RAB6A: variants seen among roughly 807,000 people sequenced by gnomAD.
RAB6A encodes the protein ras-related protein Rab-6A.
In RAB6A, 8 loss-of-function variants were observed where a neutral mutation model predicts 32.3. The ratio of observed to expected loss-of-function variants is 0.25; its 90% confidence interval spans 0.15 to 0.45. The LOEUF is 0.45. RAB6A is among the 20% of genes least tolerant of loss of function. The probability of loss-of-function intolerance (pLI) is 1.00; values close to 1 mark genes in which losing one functional copy is unlikely to be tolerated. For missense variants in RAB6A, 104 were observed against 249.4 expected, an observed-to-expected ratio of 0.42 and a Z score of 3.93; for synonymous variants, 73 against 82.1, an observed-to-expected ratio of 0.89 and a Z score of 0.60.
rs1555066467 is a variant in RAB6A, at chr11:73,736,819, A to AAC, written c.71-5997_71-5996insGT. ...GAAAGAAAAAAAAAAGAAAAAAAAA[A>AAC]AAAAAAACAATTAGCCAGGCATGGT... is the stretch of plus-strand genomic sequence containing the variant. On this transcript the variant is annotated intron_variant, in intron 1 of 7. Transcript: ENST00000336083. Among the ~76,000 whole-genome samples the AAC allele has an allele frequency of 3.5e-5, 5 of 144,178 alleles. No individual in the cohort carries two copies. The South Asian group carries it at 8.7e-4, about 25-fold the overall frequency. The allele number at this position is 144,178 out of a possible 152,430, so 94.6% of individuals were successfully genotyped here.
chr11:73,689,124 GA>G (rs111664897), intron 6 of RAB6A, among the ~76,000 whole-genome samples: 39,182 of 144,836 alleles, frequency 0.27, 5,695 homozygotes, highest in African/African-American at 0.41. Context: ...CCTGTCTCAA[GA>G]AAAAAAAAAA....
At chr11:73,726,372 G>A (rs1378626588) in intron 2 of RAB6A, among the ~76,000 whole-genome samples, 1 of 150,970 alleles carries the variant, frequency 6.6e-6, no homozygotes, top group African/African-American at 2.4e-5. Context: ...CACGAGGTCA[G>A]GAGATCGAGA....
At chr11:73,685,207 T>A (rs1014724656) in intron 6 of RAB6A, among the ~76,000 whole-genome samples, 3 of 152,002 alleles carry the variant, frequency 2.0e-5, no homozygotes, top group Non-Finnish European at 4.4e-5. Flanking sequence ...AATAGTATAC[T>A]TGCCTGATTA....
chr11:73,743,376 T>C (rs1946531665), intron 1 of RAB6A, among the ~76,000 whole-genome samples: 2 of 151,510 alleles, frequency 1.3e-5, no homozygotes, highest in Admixed American at 6.6e-5. Flanking sequence ...AGCAGAGGTA[T>C]CCTTCTTCAA....
chr11:73,725,607 C>G (rs1407746178), intron 2 of RAB6A, among the ~76,000 whole-genome samples: 1 of 152,074 alleles, frequency 6.6e-6, no homozygotes, highest in Non-Finnish European at 1.5e-5. Flanking sequence ...TTTATGAAAC[C>G]ATCAGATCTC....
intron 6 of RAB6A, among the ~76,000 whole-genome samples, chr11:73,684,786 G>A (rs1297298473): frequency 1.3e-5 from 2 of 152,228 alleles, no homozygotes; most frequent in Non-Finnish European, 2.9e-5. Flanking sequence ...CATGTTCACA[G>A]ATAGAAAAGT....
intron 6 of RAB6A, among the ~76,000 whole-genome samples, chr11:73,694,890 C>G (rs112945409): frequency 1.3e-5 from 2 of 152,150 alleles, no homozygotes; most frequent in Non-Finnish European, 2.9e-5. Context: ...GTGGCACACG[C>G]GTGCAATCCC....
intron 5 of RAB6A, among the ~76,000 whole-genome samples, chr11:73,710,159 G>A (rs1468591133): frequency 1.3e-5 from 2 of 148,488 alleles, no homozygotes; most frequent in Non-Finnish European, 3.0e-5. Context: ...GCAGAGACGG[G>A]GTTTCACCGT....
chr11:73,760,370 G>A (rs1946825826), intron 1 of RAB6A, among the ~76,000 whole-genome samples, 196 bp downstream of exon 1: 1 of 152,136 alleles, frequency 6.6e-6, no homozygotes, highest in Non-Finnish European at 1.5e-5. Context: ...GAGGATTGAA[G>A]AACCCGGGGA....
At chr11:73,689,114 CCT>C (rs1251983737) in intron 6 of RAB6A, among the ~76,000 whole-genome samples, 2 of 145,510 alleles carry the variant, frequency 1.4e-5, no homozygotes, top group Non-Finnish European at 3.0e-5. Flanking sequence ...AGAGGGAGAC[CCT>C]GTCTCAAGAA....
chr11:73,693,274 CA>C (rs1565349368), intron 6 of RAB6A, among the ~76,000 whole-genome samples: 1 of 150,560 alleles, frequency 6.6e-6, no homozygotes, highest in East Asian at 1.9e-4. Flanking sequence ...GATGACAGAG[CA>C]AGACTCCGTC....
chr11:73,714,973 G>A (rs1014638380), intron 5 of RAB6A, among the ~76,000 whole-genome samples: 16 of 151,990 alleles, frequency 1.1e-4, no homozygotes, highest in African/African-American at 3.6e-4. Context: ...CCCAAAAAAA[G>A]AAAAGTACCT....
At chr11:73,705,471 C>T (rs917675731) in intron 6 of RAB6A, among the ~76,000 whole-genome samples, 1 of 152,050 alleles carries the variant, frequency 6.6e-6, no homozygotes, top group South Asian at 2.1e-4. Context: ...TCACTTGAAC[C>T]CTGGAGGCAG....
At position 73,713,441 on chromosome 11, in the gene RAB6A, G is replaced by A. The variant is rs547653034; in HGVS notation, c.401+2810C>T. 2.0e-5 allele frequency among the ~76,000 whole-genome samples: 3 copies of A among 152,172 alleles called. No individual in the cohort carries two copies. In the East Asian group the frequency reaches 5.8e-4, roughly 29 times the overall value. ...AAAAATTAGCCGGGCATGCTGGCGG[G>A]TGCCTAGTCCCAGCTACTCAGGAGG... On this transcript the variant is annotated intron_variant, in intron 5 of 7. Transcript: ENST00000336083.
chr11:73,687,169 G>C (rs952771222), intron 6 of RAB6A, among the ~76,000 whole-genome samples: 9 of 152,214 alleles, frequency 5.9e-5, no homozygotes, highest in African/African-American at 2.2e-4. Context: ...GAGATACCTA[G>C]AGTAATCAAA....
rs747591689 is a variant in RAB6A, at chr11:73,679,730, A to G, written c.496-10T>C. On this transcript the variant is annotated splice_polypyrimidine_tract_variant and intron_variant, in intron 6 of 7. Coordinates refer to ENST00000336083, the MANE Select transcript of RAB6A (RefSeq NM_198896.2). Reference sequence around the variant, plus strand: ...CTACACGTCGAAAGAGCTGTGGGAAAGAGAGAAAAGTGATAACTGAGAGGG... The same window carrying G: ...CTACACGTCGAAAGAGCTGTGGGAAGGAGAGAAAAGTGATAACTGAGAGGG... 3 of 1,504,554 alleles carry G rather than the reference A, an allele frequency of 2.0e-6. No homozygotes were observed. Among genetic ancestry groups the G allele is most frequent in the Non-Finnish European group, 2.7e-6 (3 of 1,123,828 alleles). The allele number at this position is 1,504,554 out of a possible 1,614,324, so 93.2% of individuals were successfully genotyped here.
intron 5 of RAB6A, among the ~76,000 whole-genome samples, chr11:73,714,203 A>ATATAT (rs1202329143): frequency 1.3e-4 from 8 of 62,606 alleles, no homozygotes; most frequent in African/African-American, 4.0e-4. Flanking sequence ...AAAAAAAAAA[A>ATATAT]AAAAAAATAT....
At chr11:73,711,347 A>C (rs1945955008) in intron 5 of RAB6A, among the ~76,000 whole-genome samples, 1 of 152,102 alleles carries the variant, frequency 6.6e-6, no homozygotes, top group South Asian at 2.1e-4. Context: ...TCTTAAGTAA[A>C]CTGTACCATA....
chr11:73,758,407 AG>A (rs1413050809), intron 1 of RAB6A, among the ~76,000 whole-genome samples: 1 of 150,548 alleles, frequency 6.6e-6, no homozygotes. Context: ...TGTTGATAAC[AG>A]GGGAAACTAG....
Sources: gnomAD v4.1 joint callset for allele counts (sites outside exome capture counted in the v4.1 genomes callset) on GRCh38, gnomAD v4.1.1 for gene constraint, MANE v1.5 for transcripts, NCBI Gene and HGNC (gene_info 2026-07-23, HGNC 2026-07-21) for gene names.